The following HECW2 variants were observed in gnomAD, a reference collection of about 807,000 sequenced individuals.
HECW2 encodes the protein E3 ubiquitin-protein ligase HECW2.
A neutral mutation model predicts 175.2 loss-of-function variants in HECW2; 61 were observed. The observed-to-expected ratio is 0.35, with a 90% CI of 0.28 to 0.43. The LOEUF is 0.43. Among genes scored for constraint, HECW2 ranks in the 20% least tolerant of loss-of-function variants. The pLI, the probability that HECW2 is intolerant of heterozygous loss-of-function variation, is 1.00. For missense variants in HECW2, 1,524 were observed against 2,000.5 expected (o/e 0.76, Z 4.54); for synonymous variants, 671 against 731.0 (o/e 0.92, Z 1.32).
At chr2:196,380,033 C>A (rs1013834081) in intron 2 of HECW2, among the ~76,000 whole-genome samples, 1 of 151,932 alleles carries the variant, frequency 6.6e-6, no homozygotes, top group Non-Finnish European at 1.5e-5. Flanking sequence ...TTAGATAATT[C>A]TTGTGTATAA....
At position 196,350,253 on chromosome 2, in the gene HECW2, T is replaced by A. The variant is rs182603654; in HGVS notation, c.293-6489A>T. Among the ~76,000 whole-genome samples, 28 of 152,246 alleles carry A rather than the reference T, an allele frequency of 1.8e-4. No individual in the cohort carries two copies. In the East Asian group the frequency reaches 5.2e-3, roughly 28 times the overall value. ...GGAGGCACACACCTGTAATCCCAGCTATACGGGAGGCTGAGGCAGGAGAAC... is the reference window on the plus strand; with the variant it reads ...GGAGGCACACACCTGTAATCCCAGCAATACGGGAGGCTGAGGCAGGAGAAC... On this transcript the variant is annotated intron_variant, in intron 2 of 28. Transcript: ENST00000644978.
At chr2:196,518,275 A>C (rs973440358) in intron 1 of HECW2, among the ~76,000 whole-genome samples, 6 of 152,186 alleles carry the variant, frequency 3.9e-5, no homozygotes, top group Admixed American at 3.3e-4. Context: ...TGATGTTATG[A>C]GAAATGGGAT....
At chr2:196,397,803 G>T (rs1283620265) in intron 2 of HECW2, among the ~76,000 whole-genome samples, 1 of 152,210 alleles carries the variant, frequency 6.6e-6, no homozygotes, top group East Asian at 1.9e-4. Flanking sequence ...TATATGCCAA[G>T]ACATTGTTTC....
At chr2:196,333,808 G>A (rs1692453864) in intron 4 of HECW2, among the ~76,000 whole-genome samples, 1 of 152,160 alleles carries the variant, frequency 6.6e-6, no homozygotes, top group Non-Finnish European at 1.5e-5. Flanking sequence ...TCCTACAAAA[G>A]TAAATTAGGT....
At chr2:196,402,634 C>T (rs541716132) in intron 2 of HECW2, among the ~76,000 whole-genome samples, 20 of 152,216 alleles carry the variant, frequency 1.3e-4, no homozygotes, top group African/African-American at 4.8e-4. Context: ...CACATTGTCA[C>T]AGTATACCTT....
At chr2:196,452,280 A>C (rs970048427) in intron 1 of HECW2, among the ~76,000 whole-genome samples, 5 of 152,224 alleles carry the variant, frequency 3.3e-5, no homozygotes, top group Admixed American at 6.5e-5. Flanking sequence ...AGTTTTTACA[A>C]GATTATAAAT....
At chr2:196,307,313 T>G in intron 11 of HECW2, 80 bp from the exon 12 acceptor site, 1 of 896,370 alleles carries the variant, frequency 1.1e-6, no homozygotes, top group South Asian at 1.5e-5. Context: ...TCTAGAACTT[T>G]TCACTATCTT....
chr2:196,528,094 A>G (rs1688729612), intron 1 of HECW2, among the ~76,000 whole-genome samples: 1 of 152,228 alleles, frequency 6.6e-6, no homozygotes, highest in African/African-American at 2.4e-5. Context: ...TGGAGGTGAT[A>G]GCAACTGTAA....
chr2:196,586,813 G>A (rs900320341), intron 1 of HECW2: 9 of 150,994 alleles, frequency 6.0e-5, no homozygotes, highest in Non-Finnish European at 1.3e-4. Context: ...AAGCATCACC[G>A]AGCACTCATT....
At chr2:196,511,702 T>C (rs961098283) in intron 1 of HECW2, among the ~76,000 whole-genome samples, 3 of 152,146 alleles carry the variant, frequency 2.0e-5, no homozygotes, top group Non-Finnish European at 2.9e-5. Context: ...CCCAGGGGCA[T>C]TGCAAGGTTA....
chr2:196,317,466 T>G (rs1305780226), intron 9 of HECW2, 97 bp from the exon 10 acceptor site: 1 of 870,742 alleles, frequency 1.1e-6, no homozygotes, highest in African/African-American at 1.7e-5. Context: ...CAAGGCTAGT[T>G]TCTTTTCTCT....
intron 15 of HECW2, among the ~76,000 whole-genome samples, chr2:196,278,242 G>A (rs569662412): frequency 1.3e-4 from 19 of 143,102 alleles, no homozygotes; most frequent in African/African-American, 4.0e-4. Context: ...TTCCTGTCTC[G>A]AACATTTTAG....
chr2:196,269,896 C>G (rs1689664106), intron 17 of HECW2, among the ~76,000 whole-genome samples: 1 of 152,098 alleles, frequency 6.6e-6, no homozygotes, highest in South Asian at 2.1e-4. Flanking sequence ...TAGGCTCTAC[C>G]CCAGACCTCT....
intron 3 of HECW2, among the ~76,000 whole-genome samples, chr2:196,336,518 G>T (rs1692555900): frequency 6.6e-6 from 1 of 152,098 alleles, no homozygotes; most frequent in Non-Finnish European, 1.5e-5. Context: ...GAGTGAGCAG[G>T]CCATTTTTCC....
chr2:196,444,309 A>G (rs1323172707), intron 1 of HECW2, among the ~76,000 whole-genome samples: 1 of 152,208 alleles, frequency 6.6e-6, no homozygotes, highest in African/African-American at 2.4e-5. Flanking sequence ...TGCAAAGCAA[A>G]TCACAAAACT....
At chr2:196,532,245 T>C (rs2125453385) in intron 1 of HECW2, among the ~76,000 whole-genome samples, 1 of 152,284 alleles carries the variant, frequency 6.6e-6, no homozygotes, top group East Asian at 1.9e-4. Flanking sequence ...CCATCAATGA[T>C]AGACTGGATA....
chr2:196,259,603 T>TGTACGTAAA (rs1438078980), intron 17 of HECW2, among the ~76,000 whole-genome samples: 1 of 152,164 alleles, frequency 6.6e-6, no homozygotes, highest in East Asian at 1.9e-4. Context: ...GTGGTAGGCA[T>TGTACGTAAA]GTACGTAAAG....
intron 1 of HECW2, among the ~76,000 whole-genome samples, chr2:196,485,784 A>G (rs1299284173): frequency 6.6e-6 from 1 of 152,214 alleles, no homozygotes; most frequent in Non-Finnish European, 1.5e-5. Context: ...AAGGCTTACA[A>G]AAGTAATTCG....
chr2:196,592,851 A>G (rs986918102), intron 1 of HECW2: 1 of 150,022 alleles, frequency 6.7e-6, no homozygotes, highest in Non-Finnish European at 1.5e-5. Flanking sequence ...AGTCGCCCGG[A>G]CCCGCGGCCC....
Sources: gnomAD v4.1 joint callset for allele counts (sites outside exome capture counted in the v4.1 genomes callset) on GRCh38, gnomAD v4.1.1 for gene constraint, MANE v1.5 for transcripts, NCBI Gene and HGNC (gene_info 2026-07-23, HGNC 2026-07-21) for gene names.